The following DEF6 variants were observed in gnomAD, a reference collection of about 807,000 sequenced individuals.
DEF6 encodes DEF6 guanine nucleotide exchange factor.
In DEF6, 32 loss-of-function variants were observed where a neutral mutation model predicts 80.5. The ratio of observed to expected loss-of-function variants is 0.40; its 90% confidence interval spans 0.30 to 0.53. The LOEUF is 0.53. Among genes scored for constraint, DEF6 ranks in the 20% least tolerant of loss-of-function variants. The probability of loss-of-function intolerance (pLI) is 0.57; values close to 1 mark genes in which losing one functional copy is unlikely to be tolerated. For synonymous variants in DEF6, 300 were observed against 337.9 expected (o/e 0.89, Z 1.23); for missense variants, 575 against 818.7 (o/e 0.70, Z 3.63).
At chr6:35,303,929 C>T (rs1383489011) in intron 1 of DEF6, among the ~76,000 whole-genome samples, 1 of 152,090 alleles carries the variant, frequency 6.6e-6, no homozygotes, top group Non-Finnish European at 1.5e-5. Context: ...GTCAGGGGTT[C>T]GAGACCAGCC....
Position 35,318,475 on chromosome 6 carries a change from G to A in DEF6, c.1215+4G>A, listed in dbSNP as rs1791549496. 1.4e-6 allele frequency: 2 copies of A among 1,398,608 alleles called. No individual in the cohort carries two copies. The highest frequency in any genetic ancestry group is 1.5e-5 in the African/African-American group (1 of 65,656). The allele number at this position is 1,398,608 out of a possible 1,614,324, so 86.6% of individuals were successfully genotyped here. ...CCAACTGCGCGAGGCGGAGCAGGTG[G>A]GGTTAGCTCCCGGCGCCGGGGACGG... On this transcript the variant is annotated splice_donor_region_variant and intron_variant, in intron 7 of 10. Coordinates refer to ENST00000316637, the MANE Select transcript of DEF6 (RefSeq NM_022047.4). This position sits in a 1 kb window ranked among gnomAD's most constrained non-coding sequence, Gnocchi z 5.1.
At chr6:35,305,984 C>T (rs537182042) in intron 1 of DEF6, among the ~76,000 whole-genome samples, 1 of 152,008 alleles carries the variant, frequency 6.6e-6, no homozygotes, top group African/African-American at 2.4e-5. Flanking sequence ...CCTCTGCCTC[C>T]TGGGTTCAAC....
chr6:35,310,536 A>G lies in DEF6; in HGVS notation c.315A>G (p.Ala105=). The change falls in exon 3 of 11, where the codon GCA becomes GCG. Residue 105 remains alanine (A), a synonymous_variant. Coordinates refer to ENST00000316637, the MANE Select transcript of DEF6 (RefSeq NM_022047.4). ...TGACGGCCAAGAAGAACTATCGGGC[A>G]GATAGCAACGGGAACAGTATGCTCT... The part of the protein sequence containing the change: ...WTLTAKKNYR[A]DSNGNSMLSN... 1 of 1,614,204 alleles carries G rather than the reference A, an allele frequency of 6.2e-7. No individual in the cohort carries two copies. Among genetic ancestry groups the G allele is most frequent in the Non-Finnish European group, 8.5e-7 (1 of 1,180,038 alleles).
chr6:35,300,125 G>A (rs183641508), intron 1 of DEF6, among the ~76,000 whole-genome samples: 5 of 152,236 alleles, frequency 3.3e-5, no homozygotes, highest in African/African-American at 9.6e-5. Context: ...GGGTTCAAGC[G>A]ATCTTCCTAC....
At chr6:35,313,096 AC>A (rs1791488957) in intron 5 of DEF6, among the ~76,000 whole-genome samples, 1 of 151,996 alleles carries the variant, frequency 6.6e-6, no homozygotes, top group South Asian at 2.1e-4. Flanking sequence ...TTTCTTCTTC[AC>A]CCATATTCCA....
chr6:35,303,968 C>G (rs1350999750), intron 1 of DEF6, among the ~76,000 whole-genome samples: 2 of 152,140 alleles, frequency 1.3e-5, no homozygotes, highest in Non-Finnish European at 2.9e-5. Context: ...CCCATCTCTA[C>G]TAAAAATACA....
intron 9 of DEF6, among the ~76,000 whole-genome samples, chr6:35,320,597 G>T (rs1441678126): frequency 6.6e-6 from 1 of 152,166 alleles, no homozygotes; most frequent in Non-Finnish European, 1.5e-5. Flanking sequence ...TTCTGCTCTG[G>T]AAGTTAAATA....
intron 1 of DEF6, 63 bp from the exon 2 acceptor site, chr6:35,309,607 A>G: frequency 1.3e-6 from 2 of 1,581,962 alleles, no homozygotes; most frequent in East Asian, 2.2e-5. Context: ...GGTGGGGAGC[A>G]GTCCTCTGGC....
rs1201152163 is a variant in DEF6, at chr6:35,304,144, AAC to A, written c.97-5514_97-5513del. On this transcript the variant is annotated intron_variant, in intron 1 of 10. Transcript: ENST00000316637. ...CAAAACTACATTGCAAAAAAAAGAA[AAC>A]ACACACACACATATACACACAAAAA... 2.0e-5 allele frequency among the ~76,000 whole-genome samples: 3 copies of A among 151,980 alleles called. 1 individual carries two copies. In the South Asian group the frequency reaches 6.2e-4, roughly 32 times the overall value.
At chr6:35,303,890 T>C (rs1042709191) in intron 1 of DEF6, among the ~76,000 whole-genome samples, 4 of 152,156 alleles carry the variant, frequency 2.6e-5, no homozygotes, top group Non-Finnish European at 5.9e-5. Context: ...CCCAGCACTT[T>C]GGGAGGCCGA....
chr6:35,313,318 A>C (rs1487304713), intron 5 of DEF6: 3 of 428,102 alleles, frequency 7.0e-6, no homozygotes, highest in Non-Finnish European at 1.4e-5. Context: ...CATTAAATAC[A>C]TTCATGAAAT....
At position 35,319,511 on chromosome 6, in the gene DEF6, C is replaced by G. The variant is rs1231205551; in HGVS notation, c.1216-13C>G. 6.2e-7 allele frequency: 1 copy of G among 1,601,496 alleles called. No individual in the cohort carries two copies. Among genetic ancestry groups the G allele is most frequent in the Admixed American group, 1.7e-5 (1 of 58,428 alleles). On this transcript the variant is annotated splice_polypyrimidine_tract_variant and intron_variant, in intron 7 of 10. Transcript: ENST00000316637. This position sits in a 1 kb window ranked among gnomAD's most constrained non-coding sequence, Gnocchi z 4.5. ...TGACCTGGCTCTTGGTCCACCACCT[C>G]CCCCCTCCACAGGCCCGGGCCTCCA...
intron 5 of DEF6, chr6:35,313,222 G>T (rs766764595): frequency 5.8e-6 from 2 of 344,662 alleles, no homozygotes; most frequent in Non-Finnish European, 1.1e-5. Context: ...AAACACAAGC[G>T]TCTTTACTAT....
At chr6:35,303,076 C>G (rs1562146439) in intron 1 of DEF6, among the ~76,000 whole-genome samples, 1 of 152,170 alleles carries the variant, frequency 6.6e-6, no homozygotes, top group Non-Finnish European at 1.5e-5. Flanking sequence ...CCCTACCGCA[C>G]CCAGGCACAG....
At chr6:35,310,095 G>C (rs541224825) in intron 2 of DEF6, among the ~76,000 whole-genome samples, 4 of 151,932 alleles carry the variant, frequency 2.6e-5, no homozygotes, top group Middle Eastern at 3.4e-3. Flanking sequence ...CAGCTTCCAG[G>C]GTTCTCCACC....
At chr6:35,309,585 G>A in intron 1 of DEF6, 85 bp from the exon 2 acceptor site, 1 of 1,519,414 alleles carries the variant, frequency 6.6e-7, no homozygotes, top group Non-Finnish European at 9.0e-7. Flanking sequence ...ATGGGGTGAG[G>A]ACAAGCAGAG....
rs955419744 is a variant in DEF6, at chr6:35,321,517, G to A, written c.*107G>A. ...ACTAGGAGAGGGAGCTGAGGTCCTG[G>A]TGCCAGGGGCCCAGGCCCTCCAACC... On this transcript the variant is annotated 3_prime_UTR_variant, in exon 11 of 11. Transcript: ENST00000316637. The A allele has an allele frequency of 4.6e-6, 5 of 1,079,420 alleles. No individual in the cohort carries two copies. The African/African-American group carries it at 7.9e-5, about 17-fold the overall frequency. 66.9% of individuals were successfully genotyped at this position (1,079,420 alleles called of 1,614,324 possible).
chr6:35,320,928 C>T lies in DEF6; in HGVS notation c.1626C>T (p.His542=), dbSNP rs770762509. 9.9e-6 allele frequency: 16 copies of T among 1,612,358 alleles called. No individual in the cohort carries two copies. Among genetic ancestry groups the T allele is most frequent in the Non-Finnish European group, 1.3e-5 (15 of 1,179,124 alleles). The change falls in exon 10 of 11, where the codon CAC becomes CAT. Residue 542 remains histidine, a synonymous_variant. Coordinates refer to ENST00000316637, the MANE Select transcript of DEF6 (RefSeq NM_022047.4). ...KLRQASTNVK[H]WNVQMNRLMH... ...GCCAGGCCAGCACCAACGTGAAACA[C>T]TGGAATGTCCAGATGAACCGGCTGA...
Position 35,312,453 on chromosome 6 carries a change from G to T in DEF6, c.575G>T (p.Arg192Leu). The change falls in exon 4 of 11, where the codon CGC (arginine) becomes CTC (leucine). Residue 192 changes from arginine (R) to leucine (L), a missense_variant. Coordinates refer to ENST00000316637, the MANE Select transcript of DEF6 (RefSeq NM_022047.4). This position sits in a 1 kb window ranked among gnomAD's most constrained non-coding sequence, Gnocchi z 6.6. Reference protein sequence around the residue: ...WQFLELFNSGRCLRGVGRDTL... With the variant: ...WQFLELFNSGLCLRGVGRDTL... Reference sequence around the variant, plus strand: ...TTCCTGGAGCTCTTCAATTCGGGCCGCTGCCTGCGGGGCGTGGGCCGGGAC... The same window carrying T: ...TTCCTGGAGCTCTTCAATTCGGGCCTCTGCCTGCGGGGCGTGGGCCGGGAC... 1 of 1,614,140 alleles carries T rather than the reference G, an allele frequency of 6.2e-7. No individual in the cohort carries two copies. Among genetic ancestry groups the T allele is most frequent in the Non-Finnish European group, 8.5e-7 (1 of 1,180,042 alleles).
Sources: gnomAD v4.1 joint callset for allele counts (sites outside exome capture counted in the v4.1 genomes callset) on GRCh38, gnomAD v4.1.1 for gene constraint, Gnocchi (gnomAD v3.1) non-coding constraint, MANE v1.5 for transcripts, NCBI Gene and HGNC (gene_info 2026-07-23, HGNC 2026-07-21) for gene names.